LHFPL3: variants seen among roughly 807,000 people sequenced by gnomAD.
LHFPL3 encodes LHFPL tetraspan subfamily member 3.
LHFPL3 carries 5 observed loss-of-function variants against 19.3 expected under a neutral mutation model. That is an observed-to-expected ratio of 0.26 (90% CI 0.14 to 0.54). LHFPL3 has a LOEUF of 0.54. Among genes scored for constraint, LHFPL3 ranks in the 20% least tolerant of loss-of-function variants. LHFPL3 has a pLI of 0.94. For synonymous variants in LHFPL3, 133 were observed against 126.2 expected (o/e 1.05, Z -0.36); for missense variants, 249 against 307.4 (o/e 0.81, Z 1.42).
chr7:104,604,044 G>T (rs573144357), intron 1 of LHFPL3, among the ~76,000 whole-genome samples: 2 of 152,310 alleles, frequency 1.3e-5, no homozygotes, highest in Admixed American at 6.5e-5. Flanking sequence ...GCTAGGCATT[G>T]TTCTGATGGG....
intron 1 of LHFPL3, among the ~76,000 whole-genome samples, chr7:104,493,840 A>G (rs763181667): frequency 6.6e-6 from 1 of 151,902 alleles, no homozygotes; most frequent in Non-Finnish European, 1.5e-5. Context: ...CATGCTACAC[A>G]CCTCTGCTAT....
At chr7:104,591,907 C>A (rs550212611) in intron 1 of LHFPL3, among the ~76,000 whole-genome samples, 301 of 152,294 alleles carry the variant, frequency 2.0e-3, no homozygotes, top group African/African-American at 6.1e-3. Flanking sequence ...TTGATCAAAT[C>A]GGCTACTGAA....
chr7:104,715,738 A>G (rs1466624696), intron 1 of LHFPL3, among the ~76,000 whole-genome samples: 1 of 152,180 alleles, frequency 6.6e-6, no homozygotes, highest in African/African-American at 2.4e-5. Context: ...CCAAGGGATA[A>G]ATCCCACTTG....
chr7:104,585,715 T>C (rs146800951), intron 1 of LHFPL3, among the ~76,000 whole-genome samples: 41 of 152,270 alleles, frequency 2.7e-4, no homozygotes, highest in African/African-American at 8.9e-4. Context: ...GTTATTAAAC[T>C]AAGACTGCAG....
rs2216241 is a variant in LHFPL3 at position 104,547,342 on chromosome 7, C to T, written c.446-189333C>T. Among the ~76,000 whole-genome samples the T allele has an allele frequency of 7.2e-3, 1,074 of 150,158 alleles. 9 individuals carry two copies. The highest frequency in any genetic ancestry group is 0.024 in the African/African-American group (995 of 40,922). ...TACTTCTAAGTGGAATTAATGTATT[C>T]ATCTGTCAGTGTAGATAGTTGCATT... On this transcript the variant is annotated intron_variant, in intron 1 of 2. Transcript: ENST00000424859.
At chr7:104,584,528 C>G (rs902923756) in intron 1 of LHFPL3, among the ~76,000 whole-genome samples, 2 of 152,048 alleles carry the variant, frequency 1.3e-5, no homozygotes, top group African/African-American at 4.8e-5. Flanking sequence ...AGTTTTGCCA[C>G]AATTTCATAC....
At chr7:104,459,616 C>T (rs1414037149) in intron 1 of LHFPL3, among the ~76,000 whole-genome samples, 1 of 152,194 alleles carries the variant, frequency 6.6e-6, no homozygotes. Flanking sequence ...AGCTGTGTAA[C>T]ACATCACTCA....
At chr7:104,480,414 G>A (rs572359944) in intron 1 of LHFPL3, among the ~76,000 whole-genome samples, 1 of 152,168 alleles carries the variant, frequency 6.6e-6, no homozygotes, top group East Asian at 1.9e-4. Flanking sequence ...GTTGCACACC[G>A]GCATGTCCAA....
At chr7:104,609,791 A>G (rs1293413818) in intron 1 of LHFPL3, among the ~76,000 whole-genome samples, 1 of 152,192 alleles carries the variant, frequency 6.6e-6, no homozygotes, top group African/African-American at 2.4e-5. Flanking sequence ...TAATTTAATA[A>G]TACAATTCTG....
At chr7:104,885,455 C>A (rs1792129752) in intron 2 of LHFPL3, among the ~76,000 whole-genome samples, 1 of 152,312 alleles carries the variant, frequency 6.6e-6, no homozygotes, top group East Asian at 1.9e-4. Flanking sequence ...TGTTCCCCAT[C>A]TCAGTAAATA....
chr7:104,809,687 G>A (rs1000265845), intron 2 of LHFPL3, among the ~76,000 whole-genome samples: 8 of 152,046 alleles, frequency 5.3e-5, no homozygotes, highest in African/African-American at 1.9e-4. Flanking sequence ...CAAATGAATG[G>A]CTTAAAAAGT....
At chr7:104,730,740 T>C (rs1270861628) in intron 1 of LHFPL3, among the ~76,000 whole-genome samples, 12 of 152,240 alleles carry the variant, frequency 7.9e-5, no homozygotes, top group Admixed American at 2.6e-4. Flanking sequence ...GCAGAAGCTC[T>C]TCACTTTAAT....
chr7:104,740,552 T>C (rs1793914467), intron 2 of LHFPL3, among the ~76,000 whole-genome samples: 1 of 152,206 alleles, frequency 6.6e-6, no homozygotes, highest in Admixed American at 6.5e-5. Flanking sequence ...GAAAGAAGTT[T>C]AATTGATTCA....
chr7:104,871,131 T>C (rs917325345), intron 2 of LHFPL3, among the ~76,000 whole-genome samples: 9 of 152,222 alleles, frequency 5.9e-5, no homozygotes, highest in Non-Finnish European at 1.2e-4. Context: ...GATTTCATCG[T>C]TGTGTGAACA....
intron 1 of LHFPL3, among the ~76,000 whole-genome samples, chr7:104,612,740 T>C (rs928583708): frequency 6.6e-6 from 1 of 152,184 alleles, no homozygotes; most frequent in Admixed American, 6.6e-5. Flanking sequence ...GGAGGTGGAA[T>C]GCTGTGAAGG....
intron 2 of LHFPL3, among the ~76,000 whole-genome samples, chr7:104,860,449 C>G (rs1261740200): frequency 6.6e-6 from 1 of 152,146 alleles, no homozygotes; most frequent in African/African-American, 2.4e-5. Flanking sequence ...CTCATAACAT[C>G]CTGGGGGTTC....
chr7:104,377,103 A>C (rs1207248294), intron 1 of LHFPL3, among the ~76,000 whole-genome samples: 1 of 152,216 alleles, frequency 6.6e-6, no homozygotes, highest in Non-Finnish European at 1.5e-5. Context: ...GGAAGGTCCA[A>C]AATATCTCTG....
At chr7:104,561,948 G>C (rs1584403060) in intron 1 of LHFPL3, among the ~76,000 whole-genome samples, 1 of 151,958 alleles carries the variant, frequency 6.6e-6, no homozygotes, top group African/African-American at 2.4e-5. Context: ...AAGAAGCTTA[G>C]TTTGGCTGGA....
intron 1 of LHFPL3, among the ~76,000 whole-genome samples, chr7:104,359,636 A>C (rs946408622): frequency 2.0e-5 from 3 of 152,218 alleles, no homozygotes; most frequent in African/African-American, 7.2e-5. Context: ...TGTGGGAGAA[A>C]GAATTCTACC....
Sources: allele counts gnomAD v4.1 joint callset (sites outside exome capture counted in the v4.1 genomes callset), GRCh38; gene constraint gnomAD v4.1.1; transcripts MANE v1.5; gene names NCBI Gene and HGNC (gene_info 2026-07-23, HGNC 2026-07-21).